C4orf50: variants seen among roughly 807,000 people sequenced by gnomAD.
The protein encoded by C4orf50 is uncharacterized protein C4orf50.
C4orf50 carries 80 observed loss-of-function variants against 77.2 expected under a neutral mutation model. The observed-to-expected ratio is 1.04, with a 90% CI of 0.87 to 1.25. The LOEUF (loss-of-function observed/expected upper bound fraction) is 1.25, where lower values mean the gene tolerates loss of function less well. C4orf50 is among the 50% of genes most tolerant of loss of function. C4orf50 has a pLI of 0.00. For missense variants in C4orf50, 1,257 were observed against 1,152.9 expected (o/e 1.09, Z -1.31); for synonymous variants, 532 against 465.3 (o/e 1.14, Z -1.84).
intron 7 of C4orf50, among the ~76,000 whole-genome samples, chr4:5,922,870 C>G (rs1182285169): frequency 6.6e-6 from 1 of 152,202 alleles, no homozygotes; most frequent in Admixed American, 6.5e-5. Context: ...TCCTCCCAAC[C>G]CTGTCCCATG....
Position 6,008,082 on chromosome 4 carries a change from G to A in C4orf50, c.877C>T (p.Gln293Ter), listed in dbSNP as rs1400092142. Residue 293 changes from glutamine to a stop codon, truncating the protein, a stop_gained, in exon 25 of 34, where the codon CAG (glutamine) becomes TAG (stop). Transcript: ENST00000531445. LOFTEE classifies it high-confidence loss of function. This position sits in a 1 kb window ranked among gnomAD's most constrained non-coding sequence, Gnocchi z 6.0. ...TGGGCGAGGTCCTCCACCTGGCCCT[G>A]CAGGCCAATCTCTGACAGCTTCAGC... 2.5e-6 allele frequency: 1 copy of A among 399,234 alleles called. No homozygotes were observed. The highest frequency in any genetic ancestry group is 1.3e-4 in the South Asian group (1 of 7,858). The allele number at this position is 399,234 out of a possible 1,614,324, so 24.7% of individuals were successfully genotyped here.
In C4orf50 at chr4:6,015,898, A is replaced by T. The variant is rs1282889182; in HGVS notation, c.287+2247T>A. On this transcript the variant is annotated intron_variant, in intron 23 of 33. Coordinates refer to ENST00000531445, the Ensembl canonical transcript of C4orf50. This position sits in a 1 kb window ranked among gnomAD's most constrained non-coding sequence, Gnocchi z 4.4. ...ATACTTGTGATTGGTCTTAGAGACCAGCCGGCGAATCTGGGTCCATATCCC... is the reference window on the plus strand; with the variant it reads ...ATACTTGTGATTGGTCTTAGAGACCTGCCGGCGAATCTGGGTCCATATCCC... Among the ~76,000 whole-genome samples, 1 of 152,174 alleles carries T rather than the reference A, an allele frequency of 6.6e-6. No homozygotes were observed. Among genetic ancestry groups the T allele is most frequent in the Non-Finnish European group, 1.5e-5 (1 of 68,024 alleles).
intron 7 of C4orf50, among the ~76,000 whole-genome samples, chr4:5,920,222 G>T (rs759830363): frequency 6.6e-6 from 1 of 152,148 alleles, no homozygotes; most frequent in Non-Finnish European, 1.5e-5. Context: ...CATAGCAATT[G>T]GGAGCTCAGG....
At chr4:6,014,372 T>G (rs1360407391) in intron 23 of C4orf50, among the ~76,000 whole-genome samples, 1 of 152,220 alleles carries the variant, frequency 6.6e-6, no homozygotes, top group Non-Finnish European at 1.5e-5. Context: ...ACTGAACAAG[T>G]ACTCGGTAAG....
chr4:5,981,085 T>C (rs1443823162), intron 28 of C4orf50, among the ~76,000 whole-genome samples: 1 of 152,150 alleles, frequency 6.6e-6, no homozygotes, highest in Non-Finnish European at 1.5e-5. Context: ...CATACATATA[T>C]ACACACAAGC....
At chr4:5,964,115 A>G (rs187273755) in intron 33 of C4orf50, among the ~76,000 whole-genome samples, 23 of 152,286 alleles carry the variant, frequency 1.5e-4, no homozygotes, top group Admixed American at 1.2e-3. Flanking sequence ...TACAGAAGAG[A>G]AGCCAAGAAA....
intron 33 of C4orf50, 129 bp downstream of exon 11, chr4:5,964,895 T>C: frequency 2.8e-6 from 2 of 712,986 alleles, no homozygotes; most frequent in Non-Finnish European, 4.5e-6. Context: ...GAGTCGATTG[T>C]GTTCTATTTC....
chr4:5,923,097 C>T (rs899009812), intron 7 of C4orf50, among the ~76,000 whole-genome samples: 6 of 152,168 alleles, frequency 3.9e-5, no homozygotes, highest in Non-Finnish European at 8.8e-5. Flanking sequence ...CGCGATTTTC[C>T]CTGTTCCAGG....
At chr4:6,004,312 GAT>G (rs1722107535) in intron 25 of C4orf50, among the ~76,000 whole-genome samples, 5 of 48,670 alleles carry the variant, frequency 1.0e-4, no homozygotes, top group African/African-American at 2.2e-4. Context: ...TGGTGGTGAT[GAT>G]GTGATCGTAA....
chr4:6,005,169 C>T (rs1161444683), intron 25 of C4orf50, among the ~76,000 whole-genome samples: 1 of 152,196 alleles, frequency 6.6e-6, no homozygotes, highest in Non-Finnish European at 1.5e-5. Context: ...ATGTTGAAGG[C>T]TCAGCATTCT....
chr4:5,968,039 G>T (rs914436225), intron 31 of C4orf50, among the ~76,000 whole-genome samples: 1 of 152,228 alleles, frequency 6.6e-6, no homozygotes, highest in African/African-American at 2.4e-5. Flanking sequence ...TGGCAGCCTG[G>T]ATCTCACTTC....
exon 28 of C4orf50, chr4:5,989,935 T>C: frequency 7.0e-7 from 1 of 1,426,018 alleles, no homozygotes; most frequent in Non-Finnish European, 9.1e-7. Flanking sequence ...TTGGTTTTCC[T>C]CCTTGCCCCT....
chr4:5,984,114 A>T (rs1356249688), intron 28 of C4orf50, among the ~76,000 whole-genome samples: 3 of 152,238 alleles, frequency 2.0e-5, no homozygotes, highest in Non-Finnish European at 2.9e-5. Flanking sequence ...CTTAGGAGTA[A>T]TATCAAGCCC....
Position 5,967,563 on chromosome 4 carries a change from C to T in C4orf50, c.4105-101G>A, listed in dbSNP as rs554426137. On this transcript the variant is annotated intron_variant, in intron 31 of 33. Transcript: ENST00000531445. The stretch of plus-strand genomic sequence containing the variant: ...ACCAAGCAGGGCCATCACCCCTCCC[C>T]GCAAAAAACCGCTTTCTGTGTAGGA... 3.7e-5 allele frequency: 38 copies of T among 1,019,572 alleles called. No homozygotes were observed. In the East Asian group the frequency reaches 6.9e-4, roughly 19 times the overall value. The allele number at this position is 1,019,572 out of a possible 1,614,324, so 63.2% of individuals were successfully genotyped here. A position where few individuals can be genotyped will look rare whatever the true frequency, so the allele number is the denominator to read the frequency against.
rs1010034674 is a variant in C4orf50, at chr4:6,015,618, CA to C, written c.287+2526del. Among the ~76,000 whole-genome samples, 23 of 152,158 alleles carry C rather than the reference CA, an allele frequency of 1.5e-4. No homozygotes were observed. The highest frequency in any genetic ancestry group is 5.3e-4 in the African/African-American group (22 of 41,522). On this transcript the variant is annotated intron_variant, in intron 23 of 33. Transcript: ENST00000531445. This position sits in a 1 kb window ranked among gnomAD's most constrained non-coding sequence, Gnocchi z 4.4. ...CTCGGGGTACCCTGGTCTCCTCCTG[CA>C]GCTGTAACACGTCACCACAAGCTTG... is the stretch of plus-strand genomic sequence containing the variant.
chr4:6,013,764 G>A (rs1003255263), intron 23 of C4orf50, among the ~76,000 whole-genome samples: 1 of 152,150 alleles, frequency 6.6e-6, no homozygotes, highest in Admixed American at 6.6e-5. Flanking sequence ...CTCTAGACCT[G>A]GAGAAGACCA....
At chr4:5,953,157 C>T (rs935094325), downstream of C4orf50, among the ~76,000 whole-genome samples, 3 of 152,126 alleles carry the variant, frequency 2.0e-5, no homozygotes, top group East Asian at 1.9e-4. Flanking sequence ...GATGTTCACG[C>T]GACTTACTGT....
chr4:6,004,045 ATGGTG>A (rs1722030177), intron 25 of C4orf50, among the ~76,000 whole-genome samples: 1 of 99,332 alleles, frequency 1.0e-5, no homozygotes, highest in African/African-American at 3.9e-5. Flanking sequence ...GATGATGGTG[ATGGTG>A]ATGATGGTGA....
intron 29 of C4orf50, among the ~76,000 whole-genome samples, chr4:5,976,437 G>C (rs7689725): frequency 0.71 from 102,235 of 144,950 alleles, 36,917 homozygotes; most frequent in East Asian, 0.92. Flanking sequence ...GCCTGGGCGA[G>C]AGAGCGAGGC....
Sources: allele counts gnomAD v4.1 joint callset (sites outside exome capture counted in the v4.1 genomes callset), GRCh38; gene constraint gnomAD v4.1.1; non-coding constraint Gnocchi (gnomAD v3.1); transcripts MANE v1.5; gene names NCBI Gene and HGNC (gene_info 2026-07-23, HGNC 2026-07-21).